Variants in ACER3 observed in about 807,000 individuals in gnomAD.
The protein encoded by ACER3 is alkaline ceramidase 3, also known as alkCDase 3.
ACER3 carries 16 observed loss-of-function variants against 48.9 expected under a neutral mutation model. The ratio of observed to expected loss-of-function variants is 0.33; its 90% CI spans 0.22 to 0.50. The LOEUF (loss-of-function observed/expected upper bound fraction) is 0.50, where lower values mean the gene tolerates loss of function less well. Ranked by LOEUF, ACER3 falls within the 20% of genes least tolerant of loss-of-function variation. The pLI, the probability that ACER3 is intolerant of heterozygous loss-of-function variation, is 0.98. For missense variants in ACER3, 227 were observed against 326.0 expected, an observed-to-expected ratio of 0.70 and a Z score of 2.34; for synonymous variants, 109 against 107.8, an observed-to-expected ratio of 1.01 and a Z score of -0.07.
At chr11:76,918,436 C>T (rs1255942509) in intron 1 of ACER3, among the ~76,000 whole-genome samples, 2 of 151,970 alleles carry the variant, frequency 1.3e-5, no homozygotes, top group Non-Finnish European at 2.9e-5. Flanking sequence ...AAACCTTCTC[C>T]CTTGTGATAA....
chr11:76,983,418 G>A (rs2135189626), intron 4 of ACER3, among the ~76,000 whole-genome samples: 1 of 152,196 alleles, frequency 6.6e-6, no homozygotes, highest in East Asian at 1.9e-4. Context: ...CCAGGCTCAA[G>A]CCATCCTCCT....
intron 1 of ACER3, among the ~76,000 whole-genome samples, chr11:76,879,864 G>A (rs527839851): frequency 6.9e-6 from 1 of 144,972 alleles, no homozygotes; most frequent in Admixed American, 6.6e-5. Flanking sequence ...GTTCATAAGA[G>A]ATTTTTTTTG....
intron 4 of ACER3, among the ~76,000 whole-genome samples, chr11:76,983,794 T>C (rs1376006811): frequency 7.3e-6 from 1 of 137,226 alleles, no homozygotes; most frequent in Non-Finnish European, 1.5e-5. Context: ...AGACCTCTAA[T>C]GATTTTTTTT....
intron 1 of ACER3, among the ~76,000 whole-genome samples, chr11:76,891,513 T>C (rs559799993): frequency 1.3e-5 from 2 of 152,240 alleles, no homozygotes; most frequent in African/African-American, 4.8e-5. Flanking sequence ...CACAAATAAG[T>C]GTTTCTCTGA....
chr11:76,964,612 A>G (rs1361538259), intron 3 of ACER3, among the ~76,000 whole-genome samples: 1 of 151,136 alleles, frequency 6.6e-6, no homozygotes, highest in African/African-American at 2.5e-5. Flanking sequence ...TTCTGAGACA[A>G]AACTTCCAGA....
Position 76,966,709 on chromosome 11 carries a change from T to A in ACER3, c.267+7678T>A, listed in dbSNP as rs538427960. Among the ~76,000 whole-genome samples, 10 of 150,144 alleles carry A rather than the reference T, an allele frequency of 6.7e-5. No individual in the cohort carries two copies. The East Asian group carries it at 1.9e-3, about 29-fold the overall frequency. Reference sequence around the variant, plus strand: ...GAACAACCTGCTCCTGAATGACTACTGGGTACATAACGAAATGAAGGCAGA... The same window carrying A: ...GAACAACCTGCTCCTGAATGACTACAGGGTACATAACGAAATGAAGGCAGA... On this transcript the variant is annotated intron_variant, in intron 3 of 10. Coordinates refer to ENST00000532485, the MANE Select transcript of ACER3 (RefSeq NM_018367.7).
chr11:76,904,731 C>T (rs928402577), intron 1 of ACER3, among the ~76,000 whole-genome samples: 7 of 152,326 alleles, frequency 4.6e-5, no homozygotes, highest in African/African-American at 1.7e-4. Flanking sequence ...ATCTAGACTC[C>T]ATGGTACCAC....
chr11:76,972,283 T>G (rs1211269241), intron 3 of ACER3, among the ~76,000 whole-genome samples: 1 of 152,198 alleles, frequency 6.6e-6, no homozygotes, highest in African/African-American at 2.4e-5. Flanking sequence ...ATAGCCATCT[T>G]GTGGGTATGA....
intron 1 of ACER3, among the ~76,000 whole-genome samples, chr11:76,877,107 A>C (rs1401167616): frequency 6.6e-6 from 1 of 152,172 alleles, no homozygotes; most frequent in East Asian, 1.9e-4. Context: ...GATTTCAAAA[A>C]ATTTTATAAG....
chr11:76,954,882 G>A (rs777238260), intron 2 of ACER3, among the ~76,000 whole-genome samples: 1 of 152,126 alleles, frequency 6.6e-6, no homozygotes, highest in Admixed American at 6.5e-5. Flanking sequence ...GTTTACAGGT[G>A]TGAGTCACCA....
chr11:76,933,825 G>A (rs1200267151), intron 2 of ACER3, among the ~76,000 whole-genome samples: 3 of 151,258 alleles, frequency 2.0e-5, no homozygotes, highest in Admixed American at 1.3e-4. Flanking sequence ...GTGGCTGCCG[G>A]GCGGAGGGGC....
chr11:77,002,396 G>A (rs797037977), intron 7 of ACER3, among the ~76,000 whole-genome samples: 51 of 152,190 alleles, frequency 3.4e-4, no homozygotes, highest in African/African-American at 1.2e-3. Flanking sequence ...TGTTAATAAG[G>A]TGGATTATAT....
chr11:77,010,913 C>A (rs971191205), intron 7 of ACER3, among the ~76,000 whole-genome samples: 5 of 152,210 alleles, frequency 3.3e-5, no homozygotes, highest in African/African-American at 4.8e-5. Context: ...AATATGTTTT[C>A]ATACATTCCA....
At chr11:76,968,948 C>G (rs1344914430) in intron 3 of ACER3, among the ~76,000 whole-genome samples, 1 of 152,162 alleles carries the variant, frequency 6.6e-6, no homozygotes, top group Non-Finnish European at 1.5e-5. Context: ...CAAATGGGAT[C>G]TAATTAAACT....
At chr11:76,997,395 G>T (rs1948937492) in intron 6 of ACER3, among the ~76,000 whole-genome samples, 1 of 152,126 alleles carries the variant, frequency 6.6e-6, no homozygotes, top group Admixed American at 6.5e-5. Context: ...ACTAGATTGT[G>T]ATTGCTGTGA....
intron 1 of ACER3, among the ~76,000 whole-genome samples, chr11:76,885,712 T>C (rs956355904): frequency 1.3e-5 from 2 of 151,942 alleles, no homozygotes; most frequent in Non-Finnish European, 2.9e-5. Flanking sequence ...CTGGGGTAAT[T>C]TGGGTAGGGG....
At chr11:76,987,096 T>C (rs1387552132) in intron 5 of ACER3, among the ~76,000 whole-genome samples, 2 of 151,986 alleles carry the variant, frequency 1.3e-5, no homozygotes, top group Non-Finnish European at 2.9e-5. Context: ...AAAAAGGTAG[T>C]GTGGAGCCAA....
At chr11:76,960,049 A>G (rs1353707938) in intron 3 of ACER3, among the ~76,000 whole-genome samples, 1 of 152,172 alleles carries the variant, frequency 6.6e-6, no homozygotes, top group Admixed American at 6.5e-5. Flanking sequence ...TCTGAGCTAC[A>G]TTTGTAATTT....
chr11:76,918,259 G>GT (rs138666652), intron 1 of ACER3, among the ~76,000 whole-genome samples: 14,913 of 148,202 alleles, frequency 0.1, 974 homozygotes, highest in East Asian at 0.36. Flanking sequence ...TTGGTTTCCT[G>GT]TTTTTTTTTT....
Sources: allele counts gnomAD v4.1 joint callset (sites outside exome capture counted in the v4.1 genomes callset), GRCh38; gene constraint gnomAD v4.1.1; transcripts MANE v1.5; gene names NCBI Gene and HGNC (gene_info 2026-07-23, HGNC 2026-07-21).